The following BICRA variants were observed in gnomAD, a reference collection of about 807,000 sequenced individuals.
The protein encoded by BICRA is BRD4-interacting chromatin-remodeling complex-associated protein.
In BICRA, 31 loss-of-function variants were observed where a neutral mutation model predicts 96.9. That is an observed-to-expected ratio of 0.32 (90% confidence interval 0.24 to 0.43). BICRA has a LOEUF of 0.43. Among genes scored for constraint, BICRA ranks in the 20% least tolerant of loss-of-function variants. The pLI is 1.00. For missense variants in BICRA, 2,283 were observed against 2,190.3 expected, an observed-to-expected ratio of 1.04 and a Z score of -0.84; for synonymous variants, 1,350 against 1,071.8, an observed-to-expected ratio of 1.26 and a Z score of -5.07.
chr19:47,662,893 GA>G (rs932702640), intron 1 of BICRA: 2 of 152,162 alleles, frequency 1.3e-5, no homozygotes, highest in Non-Finnish European at 2.9e-5. Context: ...CATTTTGTTT[GA>G]CCTCTCTTCT....
At chr19:47,660,758 C>T (rs1485110361) in intron 1 of BICRA, among the ~76,000 whole-genome samples, 2 of 152,138 alleles carry the variant, frequency 1.3e-5, no homozygotes, top group Non-Finnish European at 2.9e-5. Flanking sequence ...TCATGTAGTT[C>T]CCACGGGCTT....
At chr19:47,620,248 G>A (rs1213765151) in intron 1 of BICRA, among the ~76,000 whole-genome samples, 2 of 152,162 alleles carry the variant, frequency 1.3e-5, no homozygotes, top group Admixed American at 1.3e-4. Context: ...CTCAGCTCCT[G>A]GTGTGCAGTA....
intron 1 of BICRA, among the ~76,000 whole-genome samples, chr19:47,635,879 C>T (rs1343604513): frequency 6.6e-6 from 1 of 152,158 alleles, no homozygotes; most frequent in Non-Finnish European, 1.5e-5. Flanking sequence ...TTGTTTCCAC[C>T]TTTTAACTAC....
rs1236678909 is a variant in BICRA, at chr19:47,680,336, A to G, written c.1166A>G (p.Gln389Arg). 1.3e-6 allele frequency: 2 copies of G among 1,534,940 alleles called. No individual in the cohort carries two copies. Among genetic ancestry groups the G allele is most frequent in the South Asian group, 1.2e-5 (1 of 83,732 alleles). ...CAGGGCGAGCCGGGGGCGCTCCCGC[A>G]GCAGCCCAAGGCCCCGCAGAACCTG... ...TIQGEPGALP[Q>R]QPKAPQNLTF... is the part of the protein sequence containing the mutation. Residue 389 changes from glutamine to arginine, a missense_variant, in exon 6 of 15, where the codon CAG becomes CGG. Physicochemically the swap from Gln to Arg is conservative, Grantham distance 43. Coordinates refer to ENST00000594866, the MANE Select transcript of BICRA (RefSeq NM_001394372.1).
At chr19:47,633,737 A>C (rs1972257139) in intron 1 of BICRA, among the ~76,000 whole-genome samples, 1 of 152,282 alleles carries the variant, frequency 6.6e-6, no homozygotes, top group African/African-American at 2.4e-5. Flanking sequence ...TGATATGAAA[A>C]CACCACCAAT....
In BICRA at chr19:47,695,024, C is replaced by G; in HGVS notation, c.3020C>G (p.Ser1007Cys). 6.6e-7 allele frequency: 1 copy of G among 1,512,516 alleles called. No homozygotes were observed. Among genetic ancestry groups the G allele is most frequent in the Non-Finnish European group, 8.8e-7 (1 of 1,141,222 alleles). 93.7% of individuals were successfully genotyped at this position (1,512,516 alleles called of 1,614,324 possible). Residue 1007 changes from serine (S) to cysteine (C), a missense_variant, in exon 9 of 15, where the codon TCT (serine) becomes TGT (cysteine). By Grantham distance (112) the Ser-to-Cys change is moderately radical (BLOSUM62 -1). Transcript: ENST00000594866. Reference sequence around the variant, plus strand: ...GTGCTGGTCAGTGGGCAGGCCCCATCTGGGACCCCCACTGCCCCCAGCCAC... The same window carrying G: ...GTGCTGGTCAGTGGGCAGGCCCCATGTGGGACCCCCACTGCCCCCAGCCAC... ...ASVLVSGQAP[S>C]GTPTAPSHAP...
intron 1 of BICRA, among the ~76,000 whole-genome samples, chr19:47,611,243 T>G (rs1355660838): frequency 1.3e-5 from 2 of 152,070 alleles, no homozygotes; most frequent in Non-Finnish European, 2.9e-5. Flanking sequence ...TTCGGAAATG[T>G]AGATAATATT....
At position 47,612,975 on chromosome 19, in the gene BICRA, G is replaced by C. The variant is rs61527773; in HGVS notation, c.-108+3807G>C. Among the ~76,000 whole-genome samples, 1,081 of 152,294 alleles carry C rather than the reference G, an allele frequency of 7.1e-3. 24 individuals are homozygous for C. Among genetic ancestry groups the C allele is most frequent in the African/African-American group, 0.024 (1,010 of 41,560 alleles). Reference sequence around the variant, plus strand: ...CTCGGGGGAGGTGGGCAGGAGGAGAGGGGCTGTGGGGACACCCAGATCTCT... The same window carrying C: ...CTCGGGGGAGGTGGGCAGGAGGAGACGGGCTGTGGGGACACCCAGATCTCT... On this transcript the variant is annotated intron_variant, in intron 1 of 14. Transcript: ENST00000594866.
chr19:47,680,254 A>G lies in BICRA; in HGVS notation c.1084A>G (p.Lys362Glu). 6.4e-7 allele frequency: 1 copy of G among 1,561,716 alleles called. No individual in the cohort carries two copies. The change falls in exon 6 of 15, where the codon AAG (lysine) becomes GAG (glutamate). Residue 362 changes from lysine (K) to glutamate (E), a missense_variant. Lys to Glu is a moderately conservative substitution (Grantham distance 56, BLOSUM62 1). Transcript: ENST00000594866. ...CAAGCCCGCGGGGGTGCTGCCGCCC[A>G]AGCTCTACCAGCTGACGCCCAAGCC... ...QPKPAGVLPP[K>E]LYQLTPKPFA...
In BICRA at chr19:47,679,459, G is replaced by A. The variant is rs911200431; in HGVS notation, c.289G>A (p.Ala97Thr). ...GGGCGGCGGCGGGGGCAGTGGGGGCGCTGACCAGCCCTGTGACATCCTCCA... is the reference window on the plus strand; with the variant it reads ...GGGCGGCGGCGGGGGCAGTGGGGGCACTGACCAGCCCTGTGACATCCTCCA... ...TGGGGGGSGG[A>T]DQPCDILQQS... The change falls in exon 6 of 15, where the codon GCT becomes ACT. Residue 97 changes from alanine to threonine, a missense_variant. Transcript: ENST00000594866. 5.9e-6 allele frequency: 9 copies of A among 1,514,620 alleles called. No individual in the cohort carries two copies. Among genetic ancestry groups the A allele is most frequent in the East Asian group, 2.5e-5 (1 of 39,328 alleles). 93.8% of individuals were successfully genotyped at this position (1,514,620 alleles called of 1,614,324 possible).
At chr19:47,658,480 G>A (rs1449667023) in intron 1 of BICRA, among the ~76,000 whole-genome samples, 3 of 151,930 alleles carry the variant, frequency 2.0e-5, no homozygotes, top group Non-Finnish European at 4.4e-5. Context: ...TTGAGGTCAG[G>A]AGTTCGCCAG....
At chr19:47,625,165 A>G (rs183897567) in intron 1 of BICRA, among the ~76,000 whole-genome samples, 1 of 150,830 alleles carries the variant, frequency 6.6e-6, no homozygotes, top group East Asian at 2.0e-4. Context: ...ACGCCCAGCT[A>G]ATTTTTGTAT....
At chr19:47,641,320 A>G (rs1011507618) in intron 1 of BICRA, among the ~76,000 whole-genome samples, 6 of 152,078 alleles carry the variant, frequency 3.9e-5, no homozygotes, top group African/African-American at 1.4e-4. Context: ...GTGTACCATT[A>G]TTAACCATCA....
chr19:47,692,739 A>G (rs1973260176), intron 7 of BICRA, among the ~76,000 whole-genome samples: 2 of 152,194 alleles, frequency 1.3e-5, no homozygotes, highest in Admixed American at 1.3e-4. Flanking sequence ...AACTGTCAGA[A>G]GTTACTCAGG....
chr19:47,610,251 C>G (rs868428465), intron 1 of BICRA, among the ~76,000 whole-genome samples: 1 of 152,196 alleles, frequency 6.6e-6, no homozygotes, highest in Non-Finnish European at 1.5e-5. Flanking sequence ...CCTGGCTGCC[C>G]CTCGTCTGCT....
upstream of BICRA, among the ~76,000 whole-genome samples, chr19:47,608,697 G>A (rs1271658377): frequency 6.6e-6 from 1 of 151,784 alleles, no homozygotes; most frequent in Non-Finnish European, 1.5e-5. Flanking sequence ...CGGCGCCGGC[G>A]CGGAGGGCCC....
At chr19:47,622,029 C>T (rs945895078) in intron 1 of BICRA, among the ~76,000 whole-genome samples, 4 of 151,246 alleles carry the variant, frequency 2.6e-5, no homozygotes, top group Admixed American at 6.6e-5. Flanking sequence ...TGCAGTGGTG[C>T]GATTTTGGCC....
Position 47,646,442 on chromosome 19 carries a change from CACGT to C in BICRA, c.-107-24000_-107-23997del, listed in dbSNP as rs759938294. On this transcript the variant is annotated intron_variant, in intron 1 of 14. Coordinates refer to ENST00000594866, the MANE Select transcript of BICRA (RefSeq NM_001394372.1). ...AGCCCGACACACATGCACACAGACA[CACGT>C]GTGCGCGCACACACACACGGCTGAA... Among the ~76,000 whole-genome samples, 1,054 of 149,962 alleles carry C rather than the reference CACGT, an allele frequency of 7.0e-3. 10 individuals are homozygous for C. Among genetic ancestry groups the C allele is most frequent in the Non-Finnish European group, 9.7e-3 (654 of 67,426 alleles).
At chr19:47,676,078 C>T (rs572854823) in intron 5 of BICRA, among the ~76,000 whole-genome samples, 162 bp downstream of exon 5, 9 of 152,118 alleles carry the variant, frequency 5.9e-5, no homozygotes, top group African/African-American at 2.2e-4. Context: ...CCTGGCAGTG[C>T]AGGAGGGAGC....
Sources: allele counts gnomAD v4.1 joint callset (sites outside exome capture counted in the v4.1 genomes callset), GRCh38; gene constraint gnomAD v4.1.1; transcripts MANE v1.5; gene names NCBI Gene and HGNC (gene_info 2026-07-23, HGNC 2026-07-21).